The following KLF13 variants were observed in gnomAD, a reference collection of about 807,000 sequenced individuals.
KLF13 encodes KLF transcription factor 13.
A neutral mutation model predicts 16.7 loss-of-function variants in KLF13; 8 were observed. The observed-to-expected ratio is 0.48, with a 90% CI of 0.28 to 0.87. KLF13 has a LOEUF of 0.87. KLF13 is among the 40% of genes least tolerant of loss of function. The pLI, the probability that KLF13 is intolerant of heterozygous loss-of-function variation, is 0.10. For missense variants in KLF13, 447 were observed against 452.2 expected (o/e 0.99, Z 0.10); for synonymous variants, 245 against 208.4 (o/e 1.18, Z -1.51).
At chr15:31,383,440 C>G (rs1003458002) in intron 1 of KLF13, among the ~76,000 whole-genome samples, 17 of 152,208 alleles carry the variant, frequency 1.1e-4, no homozygotes, top group African/African-American at 4.1e-4. Flanking sequence ...GAACAGGTGC[C>G]TCTGCAGTGA....
rs1383720224 is a variant in KLF13 at position 31,394,380 on chromosome 15, G to A, written n.529+689G>A. On this transcript the variant is annotated intron_variant and non_coding_transcript_variant, in intron 2 of 2. Transcript: ENST00000500533. ...CGGGCACCTGTAGTCCCAGCTACTCGGGAGGCTGAGGCGACAGAATGGCCT... is the reference window on the plus strand; with the variant it reads ...CGGGCACCTGTAGTCCCAGCTACTCAGGAGGCTGAGGCGACAGAATGGCCT... Among the ~76,000 whole-genome samples, 4 of 151,938 alleles carry A rather than the reference G, an allele frequency of 2.6e-5. 1 individual carries two copies. In the South Asian group the frequency reaches 6.2e-4, roughly 24 times the overall value.
intron 1 of KLF13, among the ~76,000 whole-genome samples, chr15:31,365,777 C>T (rs913527724): frequency 7.9e-5 from 12 of 152,070 alleles, no homozygotes; most frequent in African/African-American, 2.7e-4. Flanking sequence ...CACGCACACT[C>T]CTGAGCTGGC....
At chr15:31,370,189 C>T (rs2039536788) in intron 1 of KLF13, among the ~76,000 whole-genome samples, 1 of 149,672 alleles carries the variant, frequency 6.7e-6, no homozygotes, top group Non-Finnish European at 1.5e-5. Context: ...ATTTTGAATC[C>T]CCCCAACACC....
chr15:31,336,403 G>T (rs2140935083), intron 1 of KLF13, among the ~76,000 whole-genome samples: 1 of 152,286 alleles, frequency 6.6e-6, no homozygotes, highest in East Asian at 1.9e-4. Context: ...AGGTGGTCAG[G>T]TGCTCCCTGG....
chr15:31,351,385 A>T (rs898320809), intron 1 of KLF13, among the ~76,000 whole-genome samples: 1 of 152,206 alleles, frequency 6.6e-6, no homozygotes, highest in Admixed American at 6.5e-5. Flanking sequence ...ATCATTCCAT[A>T]CAAGTCATTT....
At chr15:31,328,989 CTGCAGCCTTG>C (rs1322590290) in intron 1 of KLF13, among the ~76,000 whole-genome samples, 2 of 152,138 alleles carry the variant, frequency 1.3e-5, no homozygotes, top group African/African-American at 4.8e-5. Context: ...TAAAAAGAAG[CTGCAGCCTTG>C]GATACCCTAG....
At chr15:31,428,685 G>A (rs1317555060) in intron 1 of KLF13, among the ~76,000 whole-genome samples, 7 of 150,806 alleles carry the variant, frequency 4.6e-5, no homozygotes, top group Admixed American at 4.6e-4. Context: ...GCGGGCGCCT[G>A]TAGTCCCAGC....
At chr15:31,348,271 G>A (rs2039158163) in intron 1 of KLF13, among the ~76,000 whole-genome samples, 1 of 152,096 alleles carries the variant, frequency 6.6e-6, no homozygotes, top group Non-Finnish European at 1.5e-5. Context: ...CCCCTCTTCA[G>A]CTTGGTTTTG....
Position 31,327,425 on chromosome 15 carries a change from C to A in KLF13, c.213C>A (p.Leu71=), listed in dbSNP as rs1379036310. The A allele has an allele frequency of 2.9e-5, 37 of 1,258,762 alleles. No homozygotes were observed. Among genetic ancestry groups the A allele is most frequent in the Middle Eastern group, 6.1e-4 (2 of 3,256 alleles). The allele number at this position is 1,258,762 out of a possible 1,614,324, so 78.0% of individuals were successfully genotyped here. The change falls in exon 1 of 2, where the codon CTC becomes CTA. Residue 71 remains leucine (L), a synonymous_variant. Coordinates refer to ENST00000307145, the MANE Select transcript of KLF13 (RefSeq NM_015995.4). ...TGGTGGCGCGGATCCTAGCGGACCTCAACCAGCAAGCGCCGGCGCCCGCCC... is the reference window on the plus strand; with the variant it reads ...TGGTGGCGCGGATCCTAGCGGACCTAAACCAGCAAGCGCCGGCGCCCGCCC... The part of the protein sequence containing the change: ...LFVVARILAD[L]NQQAPAPAPA...
At chr15:31,345,367 G>A (rs1016237825) in intron 1 of KLF13, among the ~76,000 whole-genome samples, 1 of 152,168 alleles carries the variant, frequency 6.6e-6, no homozygotes, top group Non-Finnish European at 1.5e-5. Context: ...TGCTGCTCTG[G>A]GGGCCTGGAG....
At chr15:31,349,073 G>A (rs2039174251) in intron 1 of KLF13, among the ~76,000 whole-genome samples, 1 of 152,156 alleles carries the variant, frequency 6.6e-6, no homozygotes, top group African/African-American at 2.4e-5. Context: ...GTTTTCAGGA[G>A]GCACAAACAT....
At chr15:31,347,437 AGAACCT>A (rs2039140965) in intron 1 of KLF13, among the ~76,000 whole-genome samples, 1 of 152,188 alleles carries the variant, frequency 6.6e-6, no homozygotes, top group South Asian at 2.1e-4. Context: ...CAAGCCCGCT[AGAACCT>A]GTGTGTGCTA....
At chr15:31,386,054 A>T (rs909090904) in intron 1 of KLF13, among the ~76,000 whole-genome samples, 1 of 152,242 alleles carries the variant, frequency 6.6e-6, no homozygotes, top group Non-Finnish European at 1.5e-5. Flanking sequence ...TGGATAGAAG[A>T]TCAAACCAGC....
At chr15:31,365,033 G>A (rs891360629) in intron 1 of KLF13, among the ~76,000 whole-genome samples, 2 of 152,204 alleles carry the variant, frequency 1.3e-5, no homozygotes, top group South Asian at 2.1e-4. Context: ...GAACAGGAGG[G>A]TGAACAGTCT....
chr15:31,382,459 C>CT (rs1271053808), downstream of KLF13, among the ~76,000 whole-genome samples: 3 of 152,194 alleles, frequency 2.0e-5, no homozygotes, highest in African/African-American at 7.2e-5. Flanking sequence ...CTTTTAAGCT[C>CT]TGAGTTCTAA....
chr15:31,371,924 G>C, intron 1 of KLF13, 86 bp from the exon 2 acceptor site: 1 of 1,408,758 alleles, frequency 7.1e-7, no homozygotes, highest in Non-Finnish European at 9.6e-7. Context: ...AGAGACCAGG[G>C]TGTTGGGTGT....
At chr15:31,333,310 G>T (rs2038866056) in intron 1 of KLF13, among the ~76,000 whole-genome samples, 1 of 152,160 alleles carries the variant, frequency 6.6e-6, no homozygotes, top group Non-Finnish European at 1.5e-5. Flanking sequence ...CTTGAGCCTG[G>T]GCAGCCGCCC....
chr15:31,361,590 G>A (rs527335623), intron 1 of KLF13, among the ~76,000 whole-genome samples: 1 of 152,104 alleles, frequency 6.6e-6, no homozygotes, highest in Non-Finnish European at 1.5e-5. Context: ...GGAAATGAAG[G>A]CTGGGGGAGG....
rs1341901981 is a variant in KLF13, at chr15:31,373,160, G to A, written c.*861G>A. On this transcript the variant is annotated 3_prime_UTR_variant, in exon 2 of 2. Coordinates refer to ENST00000307145, the MANE Select transcript of KLF13 (RefSeq NM_015995.4). ...CAGGACCCTGTCACTACTATACCTG[G>A]GCCTCTGATGGGGAATTCTGGTCTT... 2 of 152,340 alleles carry A rather than the reference G, an allele frequency of 1.3e-5. No individual in the cohort carries two copies. The highest frequency in any genetic ancestry group is 2.9e-5 in the Non-Finnish European group (2 of 68,038). 9.4% of individuals were successfully genotyped at this position (152,340 alleles called of 1,614,324 possible). A position where few individuals can be genotyped will look rare whatever the true frequency, so the allele number is the denominator to read the frequency against.
Sources: gnomAD v4.1 joint callset for allele counts (sites outside exome capture counted in the v4.1 genomes callset) on GRCh38, gnomAD v4.1.1 for gene constraint, MANE v1.5 for transcripts, NCBI Gene and HGNC (gene_info 2026-07-23, HGNC 2026-07-21) for gene names.